ATG10: variants seen among roughly 807,000 people sequenced by gnomAD.
ATG10 encodes autophagy related 10, also known as ubiquitin-like-conjugating enzyme ATG10.
A neutral mutation model predicts 32.1 loss-of-function variants in ATG10; 30 were observed. That is an observed-to-expected ratio of 0.94 (90% CI 0.70 to 1.27). The LOEUF is 1.27. ATG10 is among the 50% of genes most tolerant of loss of function. The probability of loss-of-function intolerance (pLI) is 0.00; values close to 1 mark genes in which losing one functional copy is unlikely to be tolerated. For missense variants in ATG10, 233 were observed against 262.3 expected, an observed-to-expected ratio of 0.89 and a Z score of 0.77; for synonymous variants, 87 against 91.5, an observed-to-expected ratio of 0.95 and a Z score of 0.28.
intron 2 of ATG10, among the ~76,000 whole-genome samples, chr5:82,005,082 T>C (rs1761955810): frequency 6.6e-6 from 1 of 151,966 alleles, no homozygotes; most frequent in Non-Finnish European, 1.5e-5. Context: ...TACCAAGGAG[T>C]ATAGCTAAAT....
chr5:82,196,900 T>A (rs186857185), intron 5 of ATG10, among the ~76,000 whole-genome samples: 1 of 152,330 alleles, frequency 6.6e-6, no homozygotes, highest in African/African-American at 2.4e-5. Flanking sequence ...CATATGAATC[T>A]TAGCATCAGT....
At chr5:82,138,871 C>A (rs1766896542) in intron 3 of ATG10, among the ~76,000 whole-genome samples, 1 of 94,126 alleles carries the variant, frequency 1.1e-5, no homozygotes, top group Non-Finnish European at 2.1e-5. Context: ...CTCCCCCTCC[C>A]CCTCCCCCTC....
chr5:82,052,528 A>G (rs766183282), intron 2 of ATG10, among the ~76,000 whole-genome samples: 2 of 152,186 alleles, frequency 1.3e-5, no homozygotes, highest in Non-Finnish European at 2.9e-5. Context: ...GCAAAGGGCA[A>G]TTAATTATTT....
intron 2 of ATG10, among the ~76,000 whole-genome samples, chr5:81,994,089 C>G (rs1023293996): frequency 6.6e-6 from 1 of 152,206 alleles, no homozygotes; most frequent in African/African-American, 2.4e-5. Context: ...TTTCAATGGC[C>G]TGACAACTCT....
chr5:82,227,426 G>A (rs994607808), intron 5 of ATG10, among the ~76,000 whole-genome samples: 1 of 152,094 alleles, frequency 6.6e-6, no homozygotes, highest in East Asian at 1.9e-4. Flanking sequence ...CCAGGCTGGA[G>A]TGCAGTGGTG....
At chr5:82,084,767 C>T (rs1764610871) in intron 3 of ATG10, among the ~76,000 whole-genome samples, 1 of 152,128 alleles carries the variant, frequency 6.6e-6, no homozygotes, top group South Asian at 2.1e-4. Flanking sequence ...AAATCCATTA[C>T]AGACAAGCAA....
intron 4 of ATG10, among the ~76,000 whole-genome samples, chr5:82,169,683 A>C (rs1743729068): frequency 6.6e-6 from 1 of 152,246 alleles, no homozygotes; most frequent in Non-Finnish European, 1.5e-5. Flanking sequence ...TTATGTAGAC[A>C]GTAAATCTAG....
chr5:82,024,923 A>G (rs1219294951), intron 2 of ATG10, among the ~76,000 whole-genome samples: 2 of 152,228 alleles, frequency 1.3e-5, no homozygotes, highest in African/African-American at 2.4e-5. Context: ...GCTGTTGCCA[A>G]ATTGAGATTT....
rs890199285 is a variant in ATG10 at position 82,054,750 on chromosome 5, C to G, written c.109-3745C>G. ...GGATGTTTTCAGACTCTTTCTGGAT[C>G]AGGTTGTTATGTGGGATGGAATCTG... On this transcript the variant is annotated intron_variant, in intron 2 of 7. Transcript: ENST00000282185. 3.9e-5 allele frequency among the ~76,000 whole-genome samples: 6 copies of G among 152,216 alleles called. No individual in the cohort carries two copies. In the East Asian group the frequency reaches 7.7e-4, roughly 20 times the overall value.
chr5:82,075,704 G>A (rs1764254539), intron 3 of ATG10, among the ~76,000 whole-genome samples: 1 of 152,180 alleles, frequency 6.6e-6, no homozygotes, highest in Admixed American at 6.5e-5. Flanking sequence ...GGCAGGCTGA[G>A]GCAGGTAGAT....
intron 3 of ATG10, among the ~76,000 whole-genome samples, chr5:82,098,810 C>CT (rs1765162540): frequency 6.6e-6 from 1 of 152,184 alleles, no homozygotes; most frequent in Non-Finnish European, 1.5e-5. Flanking sequence ...ATAGATAGTT[C>CT]TTTAAGTGAT....
At chr5:82,251,327 GAGA>G (rs1026799339) in intron 5 of ATG10, among the ~76,000 whole-genome samples, 2 of 152,210 alleles carry the variant, frequency 1.3e-5, no homozygotes, top group Admixed American at 1.3e-4. Context: ...GGTTGGCTGA[GAGA>G]AGAAGCCAAG....
rs572149689 is a variant in ATG10, at chr5:82,161,954, T to C, written c.217-2445T>C. Among the ~76,000 whole-genome samples the C allele has an allele frequency of 1.2e-3, 175 of 152,154 alleles. 2 individuals are homozygous for C. The highest frequency in any genetic ancestry group is 2.3e-3 in the Admixed American group (35 of 15,272). ...AGCCTTCTGATGAAGACATGTAACT[T>C]AGAAGCTATAAACAGAAAATGTACA... On this transcript the variant is annotated intron_variant, in intron 3 of 7. Transcript: ENST00000282185.
chr5:82,011,146 A>G (rs1439835996), intron 2 of ATG10, among the ~76,000 whole-genome samples: 2 of 152,170 alleles, frequency 1.3e-5, no homozygotes, highest in Non-Finnish European at 2.9e-5. Context: ...ACTCAACATG[A>G]TTAAAACTGA....
rs76883214 is a variant in ATG10, at chr5:82,074,468, T to C, written c.216+15866T>C. 9.1e-3 allele frequency among the ~76,000 whole-genome samples: 1,391 copies of C among 152,276 alleles called. 4 individuals are homozygous for C. Among genetic ancestry groups the C allele is most frequent in the East Asian group, 0.016 (83 of 5,186 alleles). ...CTTTCTAGTTTTAATTTTGGACTTT[T>C]TTTGCCTGAAAGGACATTTTTTGGT... is the stretch of plus-strand genomic sequence containing the variant. On this transcript the variant is annotated intron_variant, in intron 3 of 7. Coordinates refer to ENST00000282185, the MANE Select transcript of ATG10 (RefSeq NM_031482.5).
In ATG10 at chr5:82,117,194, T is replaced by C. The variant is rs1461459907; in HGVS notation, c.217-47205T>C. ...TAAACAGACATGGAAGTAATTATGA[T>C]TGAGCATGCCAGTTGTTATAATGGA... On this transcript the variant is annotated intron_variant, in intron 3 of 7. Coordinates refer to ENST00000282185, the MANE Select transcript of ATG10 (RefSeq NM_031482.5). Among the ~76,000 whole-genome samples, 15 of 152,198 alleles carry C rather than the reference T, an allele frequency of 9.9e-5. No individual in the cohort carries two copies. The East Asian group carries it at 1.9e-3, about 20-fold the overall frequency.
chr5:82,168,511 G>A (rs1370951261), intron 4 of ATG10, among the ~76,000 whole-genome samples: 1 of 152,080 alleles, frequency 6.6e-6, no homozygotes, highest in Non-Finnish European at 1.5e-5. Context: ...TAGTCAGCAG[G>A]GCTGCATTTG....
chr5:82,121,667 C>A (rs1004989893), intron 3 of ATG10, among the ~76,000 whole-genome samples: 2 of 152,108 alleles, frequency 1.3e-5, no homozygotes. Flanking sequence ...TAGTTTTAAA[C>A]ATGAAGGGAT....
chr5:82,156,660 TG>T (rs1767808899), intron 3 of ATG10, among the ~76,000 whole-genome samples: 1 of 152,222 alleles, frequency 6.6e-6, no homozygotes, highest in African/African-American at 2.4e-5. Context: ...AGGGTAACAC[TG>T]AAGAGAAACA....
Sources: allele counts gnomAD v4.1 joint callset (sites outside exome capture counted in the v4.1 genomes callset), GRCh38; gene constraint gnomAD v4.1.1; transcripts MANE v1.5; gene names NCBI Gene and HGNC (gene_info 2026-07-23, HGNC 2026-07-21).